Variants in RERE observed in about 807,000 individuals in gnomAD.
RERE encodes the protein arginine-glutamic acid dipeptide repeats, also known as arginine-glutamic acid dipeptide repeats protein.
A neutral mutation model predicts 146.1 loss-of-function variants in RERE; 40 were observed. The ratio of observed to expected loss-of-function variants is 0.27; its 90% confidence interval spans 0.21 to 0.36. The LOEUF is 0.36. Among genes scored for constraint, RERE ranks in the 10% least tolerant of loss-of-function variants. The pLI is 1.00. For synonymous variants in RERE, 1,003 were observed against 866.0 expected (o/e 1.16, Z -2.78); for missense variants, 1,933 against 2,138.7 (o/e 0.90, Z 1.90).
intron 11 of RERE, among the ~76,000 whole-genome samples, chr1:8,432,899 A>G (rs558060425): frequency 6.6e-6 from 1 of 152,316 alleles, no homozygotes; most frequent in South Asian, 2.1e-4. Context: ...TGCAGAAAAC[A>G]CTGTTTTATA....
chr1:8,439,118 T>C (rs1446207142), intron 11 of RERE, among the ~76,000 whole-genome samples: 2 of 152,218 alleles, frequency 1.3e-5, no homozygotes, highest in African/African-American at 4.8e-5. Flanking sequence ...GGGGGAAGTC[T>C]GAGAACCGCT....
intron 1 of RERE, among the ~76,000 whole-genome samples, chr1:8,763,530 G>A (rs552858992): frequency 6.4e-4 from 98 of 152,332 alleles, no homozygotes; most frequent in Non-Finnish European, 8.8e-4. Context: ...AGCCACTCAG[G>A]AGGCTAAGGC....
chr1:8,409,856 A>G (rs1360575546), intron 12 of RERE, among the ~76,000 whole-genome samples: 1 of 150,866 alleles, frequency 6.6e-6, no homozygotes, highest in Non-Finnish European at 1.5e-5. Context: ...AGAGCCTACT[A>G]TTTCATGCAT....
chr1:8,424,580 G>A (rs1643981507), intron 11 of RERE: 1 of 152,196 alleles, frequency 6.6e-6, no homozygotes, highest in Non-Finnish European at 1.5e-5. Context: ...CTTGACAAAA[G>A]TATCGTTTAT....
intron 7 of RERE, among the ~76,000 whole-genome samples, chr1:8,531,277 TA>T (rs1645650117): frequency 6.6e-6 from 1 of 152,034 alleles, no homozygotes; most frequent in Non-Finnish European, 1.5e-5. Context: ...ACCCAGCTTC[TA>T]CTAAAAATAC....
At chr1:8,399,536 T>C (rs976514831) in intron 12 of RERE, among the ~76,000 whole-genome samples, 2 of 152,162 alleles carry the variant, frequency 1.3e-5, no homozygotes, top group African/African-American at 4.8e-5. Context: ...TACTCTAACT[T>C]TACAAGTCTT....
At chr1:8,701,224 A>G (rs1639439680) in intron 1 of RERE, among the ~76,000 whole-genome samples, 1 of 151,168 alleles carries the variant, frequency 6.6e-6, no homozygotes, top group African/African-American at 2.4e-5. Flanking sequence ...TCCCTCCCCT[A>G]ACCTACAATG....
rs564328268 is a variant in RERE at position 8,591,545 on chromosome 1, C to A, written c.522+23016G>T. 2.0e-5 allele frequency among the ~76,000 whole-genome samples: 3 copies of A among 152,242 alleles called. No homozygotes were observed. In the South Asian group the frequency reaches 6.2e-4, roughly 32 times the overall value. The stretch of plus-strand genomic sequence containing the variant: ...CTATATAGCCACCTAATGAACCCTG[C>A]CCTAACATGTTCCCACAATCCAAAT... On this transcript the variant is annotated intron_variant, in intron 4 of 22. Coordinates refer to ENST00000400908, the MANE Select transcript of RERE (RefSeq NM_001042681.2).
At chr1:8,506,610 G>C (rs1472269115) in intron 8 of RERE, among the ~76,000 whole-genome samples, 2 of 152,194 alleles carry the variant, frequency 1.3e-5, no homozygotes, top group African/African-American at 4.8e-5. Flanking sequence ...CTTAGCTGTG[G>C]ATTCCCCAGC....
At chr1:8,451,941 G>A (rs762692934) in intron 11 of RERE, among the ~76,000 whole-genome samples, 15 of 152,162 alleles carry the variant, frequency 9.9e-5, no homozygotes, top group Non-Finnish European at 1.8e-4. Context: ...ATTTTTCCTC[G>A]TTTCCTGTTG....
chr1:8,681,347 T>G (rs1471876979), intron 1 of RERE, among the ~76,000 whole-genome samples: 1 of 152,176 alleles, frequency 6.6e-6, no homozygotes, highest in African/African-American at 2.4e-5. Context: ...TTAATATTTT[T>G]GTCAGGAGCT....
At chr1:8,418,859 T>C (rs952466625) in intron 12 of RERE, among the ~76,000 whole-genome samples, 2 of 152,154 alleles carry the variant, frequency 1.3e-5, no homozygotes, top group African/African-American at 4.8e-5. Context: ...GTACCATCCA[T>C]CTACCCAACA....
At chr1:8,368,071 G>C (rs1641885041) in intron 12 of RERE, among the ~76,000 whole-genome samples, 1 of 152,202 alleles carries the variant, frequency 6.6e-6, no homozygotes, top group South Asian at 2.1e-4. Context: ...GCTGTGATAA[G>C]TCACAGCTCA....
chr1:8,556,460 G>A lies in RERE; in HGVS notation c.725+15C>T, dbSNP rs555173793. 9 of 1,462,780 alleles carry A rather than the reference G, an allele frequency of 6.2e-6. No individual in the cohort carries two copies. The highest frequency in any genetic ancestry group is 2.3e-5 in the East Asian group (1 of 44,162). The allele number at this position is 1,462,780 out of a possible 1,614,324, so 90.6% of individuals were successfully genotyped here. On this transcript the variant is annotated intron_variant, in intron 6 of 22. Coordinates refer to ENST00000400908, the MANE Select transcript of RERE (RefSeq NM_001042681.2). ...ACTCCTCCTTCACATGGAAGAGCACGTCTCCAGTACTTACCTAAGGGCAGC... is the reference window on the plus strand; with the variant it reads ...ACTCCTCCTTCACATGGAAGAGCACATCTCCAGTACTTACCTAAGGGCAGC...
At chr1:8,408,450 G>GT (rs1643515486) in intron 12 of RERE, among the ~76,000 whole-genome samples, 2 of 152,204 alleles carry the variant, frequency 1.3e-5, no homozygotes, top group South Asian at 2.1e-4. Flanking sequence ...ACCAAAATTT[G>GT]TAAGAGGTCA....
At chr1:8,487,786 C>CA (rs1432825909) in intron 10 of RERE, among the ~76,000 whole-genome samples, 1 of 151,756 alleles carries the variant, frequency 6.6e-6, no homozygotes. Flanking sequence ...TTAGCAGGAC[C>CA]AAAAAAAGCC....
At chr1:8,641,208 C>T (rs1224824396) in intron 2 of RERE, among the ~76,000 whole-genome samples, 14 of 152,160 alleles carry the variant, frequency 9.2e-5, no homozygotes, top group Non-Finnish European at 1.5e-5. Flanking sequence ...ATTTAAATTA[C>T]GTTATCCAAC....
chr1:8,727,187 G>C (rs1215981164), intron 1 of RERE, among the ~76,000 whole-genome samples: 1 of 152,148 alleles, frequency 6.6e-6, no homozygotes, highest in Non-Finnish European at 1.5e-5. Context: ...CTGTAGCCCA[G>C]GCTGGAGTGC....
chr1:8,636,714 A>G (rs1647105965), intron 2 of RERE, among the ~76,000 whole-genome samples: 1 of 152,180 alleles, frequency 6.6e-6, no homozygotes, highest in African/African-American at 2.4e-5. Context: ...CAGACCTATA[A>G]TATTTCAACT....
Sources: gnomAD v4.1 joint callset for allele counts (sites outside exome capture counted in the v4.1 genomes callset) on GRCh38, gnomAD v4.1.1 for gene constraint, MANE v1.5 for transcripts, NCBI Gene and HGNC (gene_info 2026-07-23, HGNC 2026-07-21) for gene names.